The following CHRM2 variants were observed in gnomAD, a reference collection of about 807,000 sequenced individuals.
CHRM2 encodes the protein muscarinic acetylcholine receptor M2.
A neutral mutation model predicts 25.0 loss-of-function variants in CHRM2; 8 were observed. That is an observed-to-expected ratio of 0.32 (90% CI 0.19 to 0.58). The LOEUF (loss-of-function observed/expected upper bound fraction) is 0.58. Ranked by LOEUF, CHRM2 falls within the 20% of genes least tolerant of loss-of-function variation. The probability of loss-of-function intolerance (pLI) is 0.88; values close to 1 mark genes in which losing one functional copy is unlikely to be tolerated. For missense variants in CHRM2, 440 were observed against 567.1 expected (o/e 0.78, Z 2.28); for synonymous variants, 202 against 205.7 (o/e 0.98, Z 0.15).
At chr7:136,897,269 A>C (rs1052772561) in intron 2 of CHRM2, among the ~76,000 whole-genome samples, 4 of 152,082 alleles carry the variant, frequency 2.6e-5, no homozygotes, top group African/African-American at 9.7e-5. Context: ...GCCAATGCAT[A>C]TCTAAGAGGA....
intron 3 of CHRM2, among the ~76,000 whole-genome samples, chr7:137,006,979 C>A (rs1804479366): frequency 1.3e-5 from 2 of 151,982 alleles, no homozygotes; most frequent in African/African-American, 4.8e-5. Context: ...AGAAACCCAC[C>A]AGCAGTATTT....
At chr7:136,878,127 A>G (rs187752103) in intron 2 of CHRM2, among the ~76,000 whole-genome samples, 8 of 152,126 alleles carry the variant, frequency 5.3e-5, no homozygotes, top group African/African-American at 1.9e-4. Context: ...AACCAGCATG[A>G]AAATAGAAAG....
intron 3 of CHRM2, among the ~76,000 whole-genome samples, chr7:136,995,264 A>T (rs1803516919): frequency 6.6e-6 from 1 of 152,148 alleles, no homozygotes. Flanking sequence ...AACTAAAAAT[A>T]AGGAAGGTCG....
In CHRM2 at chr7:136,916,208, C is replaced by T. The variant is rs114238715; in HGVS notation, c.-125+46790C>T. On this transcript the variant is annotated intron_variant, in intron 2 of 3. Transcript: ENST00000680005. ...GAGTGATATAAGTGTATCAATTAAA[C>T]GCAGTCTGATTAAATGCAGCAGAAA... 2.9e-3 allele frequency among the ~76,000 whole-genome samples: 440 copies of T among 151,784 alleles called. 4 individuals carry two copies. The highest frequency in any genetic ancestry group is 0.01 in the African/African-American group (416 of 41,478).
intron 2 of CHRM2, among the ~76,000 whole-genome samples, chr7:136,878,663 T>C (rs767385226): frequency 1.7e-4 from 26 of 151,924 alleles, no homozygotes; most frequent in Non-Finnish European, 3.1e-4. Flanking sequence ...GCCATTTCTT[T>C]ACATGTATTG....
chr7:136,937,321 T>C (rs1429213763), intron 2 of CHRM2, among the ~76,000 whole-genome samples: 1 of 152,132 alleles, frequency 6.6e-6, no homozygotes, highest in East Asian at 1.9e-4. Context: ...AATTATTATA[T>C]TTAAACAAGA....
chr7:136,886,998 C>T (rs909565228), intron 2 of CHRM2, among the ~76,000 whole-genome samples: 9 of 152,106 alleles, frequency 5.9e-5, no homozygotes, highest in Non-Finnish European at 1.3e-4. Context: ...AGATGTAGGC[C>T]AAAGGATACA....
intron 3 of CHRM2, among the ~76,000 whole-genome samples, chr7:136,998,658 T>C (rs1394123750): frequency 6.6e-6 from 1 of 152,196 alleles, no homozygotes; most frequent in African/African-American, 2.4e-5. Flanking sequence ...CACATGCACA[T>C]GCCTTTTCCA....
At chr7:137,005,068 G>T (rs982228406) in intron 3 of CHRM2, among the ~76,000 whole-genome samples, 1 of 152,028 alleles carries the variant, frequency 6.6e-6, no homozygotes, top group Non-Finnish European at 1.5e-5. Flanking sequence ...TCATTGAAAA[G>T]CTAGAAGAAC....
chr7:136,898,934 A>C (rs1159974919), intron 2 of CHRM2: 1 of 152,058 alleles, frequency 6.6e-6, no homozygotes, highest in Non-Finnish European at 1.5e-5. Context: ...TATACTAAAG[A>C]CTTAATCTGT....
intron 2 of CHRM2, among the ~76,000 whole-genome samples, chr7:136,888,520 A>C (rs1365331942): frequency 3.3e-5 from 5 of 152,002 alleles, no homozygotes; most frequent in Admixed American, 3.3e-4. Flanking sequence ...CACACCAATC[A>C]TCAGCATTCA....
At chr7:136,874,525 CT>C (rs71757159) in intron 2 of CHRM2, among the ~76,000 whole-genome samples, 28,069 of 144,240 alleles carry the variant, frequency 0.19, 3,068 homozygotes, top group African/African-American at 0.29. Context: ...TTCTGTCTCT[CT>C]TTTTTTTCTC....
In CHRM2 at chr7:136,996,328, G is replaced by A. The variant is rs141406227; in HGVS notation, c.-47+4064G>A. ...TAAAAACATCTATAAAAAGACAAAGGGTACATTTAAATGTCAATTGTCAAA... is the reference window on the plus strand; with the variant it reads ...TAAAAACATCTATAAAAAGACAAAGAGTACATTTAAATGTCAATTGTCAAA... On this transcript the variant is annotated intron_variant, in intron 3 of 3. Transcript: ENST00000680005. Among the ~76,000 whole-genome samples the A allele has an allele frequency of 2.6e-4, 39 of 151,538 alleles. No homozygotes were observed. In the East Asian group the frequency reaches 7.2e-3, roughly 28 times the overall value.
chr7:136,943,299 C>T (rs1353695330), intron 2 of CHRM2, among the ~76,000 whole-genome samples: 1 of 152,142 alleles, frequency 6.6e-6, no homozygotes, highest in Non-Finnish European at 1.5e-5. Context: ...TCTTTTTATT[C>T]TGTGCCTTTA....
At chr7:136,884,268 G>A (rs1459617116) in intron 2 of CHRM2, among the ~76,000 whole-genome samples, 1 of 152,100 alleles carries the variant, frequency 6.6e-6, no homozygotes, top group Non-Finnish European at 1.5e-5. Flanking sequence ...AAGGTCATTA[G>A]GAAACTGTTG....
intron 2 of CHRM2, among the ~76,000 whole-genome samples, chr7:136,917,617 C>T (rs1054032697): frequency 6.6e-6 from 1 of 152,070 alleles, no homozygotes; most frequent in African/African-American, 2.4e-5. Flanking sequence ...TGCCGGATTG[C>T]TGCCAGCTTT....
chr7:136,979,737 T>C (rs928462967), intron 2 of CHRM2, among the ~76,000 whole-genome samples: 3 of 152,202 alleles, frequency 2.0e-5, no homozygotes, highest in Non-Finnish European at 4.4e-5. Flanking sequence ...GTCAGGTTTG[T>C]CAAAGATCAG....
chr7:136,954,229 T>A (rs144056798), intron 2 of CHRM2, among the ~76,000 whole-genome samples: 1 of 152,164 alleles, frequency 6.6e-6, no homozygotes, highest in Admixed American at 6.5e-5. Flanking sequence ...CCTATACATT[T>A]ATATATGTGT....
intron 2 of CHRM2, among the ~76,000 whole-genome samples, chr7:136,973,749 G>A (rs1335357123): frequency 2.0e-5 from 3 of 152,038 alleles, no homozygotes; most frequent in Non-Finnish European, 4.4e-5. Flanking sequence ...TAATGATGGT[G>A]ATGGTGGTGA....
Sources: gnomAD v4.1 joint callset for allele counts (sites outside exome capture counted in the v4.1 genomes callset) on GRCh38, gnomAD v4.1.1 for gene constraint, MANE v1.5 for transcripts, NCBI Gene and HGNC (gene_info 2026-07-23, HGNC 2026-07-21) for gene names.